The following HS3ST4 variants were observed in gnomAD, a reference collection of about 807,000 sequenced individuals.
HS3ST4 encodes heparan sulfate-glucosamine 3-sulfotransferase 4.
HS3ST4 carries 17 observed loss-of-function variants against 29.2 expected under a neutral mutation model. The ratio of observed to expected loss-of-function variants is 0.58; its 90% CI spans 0.40 to 0.87. The LOEUF (loss-of-function observed/expected upper bound fraction) is 0.87. Among genes scored for constraint, HS3ST4 ranks in the 40% least tolerant of loss-of-function variants. The pLI, the probability that HS3ST4 is intolerant of heterozygous loss-of-function variation, is 0.00. For synonymous variants in HS3ST4, 314 were observed against 285.7 expected (o/e 1.10, Z -1.00); for missense variants, 627 against 634.5 (o/e 0.99, Z 0.13).
intron 1 of HS3ST4, among the ~76,000 whole-genome samples, chr16:26,018,592 GA>G (rs973183104): frequency 2.6e-5 from 4 of 152,162 alleles, no homozygotes; most frequent in Non-Finnish European, 5.9e-5. Flanking sequence ...GAGAGGCTAT[GA>G]GATTTTTCCA....
intron 1 of HS3ST4, among the ~76,000 whole-genome samples, chr16:25,798,541 A>G (rs1966903135): frequency 1.3e-5 from 2 of 152,146 alleles, no homozygotes. Flanking sequence ...TGCAAGTTTC[A>G]TTTTTATTTC....
intron 1 of HS3ST4, among the ~76,000 whole-genome samples, chr16:25,804,799 C>G (rs1966974131): frequency 6.6e-6 from 1 of 152,108 alleles, no homozygotes; most frequent in Non-Finnish European, 1.5e-5. Context: ...AGCCTTATCT[C>G]AGACCTTGTA....
chr16:25,753,775 G>A (rs1042099243), intron 1 of HS3ST4, among the ~76,000 whole-genome samples: 2 of 152,102 alleles, frequency 1.3e-5, no homozygotes, highest in Non-Finnish European at 2.9e-5. Flanking sequence ...GCCAATAAAA[G>A]CACCAAACAA....
intron 1 of HS3ST4, among the ~76,000 whole-genome samples, chr16:25,843,213 A>T (rs1967433614): frequency 6.6e-6 from 1 of 152,094 alleles, no homozygotes; most frequent in Non-Finnish European, 1.5e-5. Flanking sequence ...GGTAGTTCTC[A>T]TGTGTAGTCT....
At chr16:25,794,584 A>G (rs984747871) in intron 1 of HS3ST4, among the ~76,000 whole-genome samples, 125 of 152,126 alleles carry the variant, frequency 8.2e-4, no homozygotes, top group Non-Finnish European at 3.1e-4. Flanking sequence ...GTTTTCTTGA[A>G]AAATCACTTA....
At chr16:26,077,956 T>C (rs1898682321) in intron 1 of HS3ST4, among the ~76,000 whole-genome samples, 1 of 152,152 alleles carries the variant, frequency 6.6e-6, no homozygotes, top group Non-Finnish European at 1.5e-5. Flanking sequence ...ACACCTGTAG[T>C]CCTAGCTCCT....
chr16:26,073,226 AG>A, intron 1 of HS3ST4, among the ~76,000 whole-genome samples: 1 of 152,232 alleles, frequency 6.6e-6, no homozygotes, highest in Non-Finnish European at 1.5e-5. Flanking sequence ...GAAAGAATGC[AG>A]CCCCCTCTTA....
At chr16:25,778,737 G>C (rs147681806) in intron 1 of HS3ST4, among the ~76,000 whole-genome samples, 1 of 151,996 alleles carries the variant, frequency 6.6e-6, no homozygotes, top group Non-Finnish European at 1.5e-5. Context: ...AGGAGAAGGA[G>C]AAGGAGGAGA....
chr16:25,923,107 T>C (rs755131011), intron 1 of HS3ST4, among the ~76,000 whole-genome samples: 9 of 152,230 alleles, frequency 5.9e-5, no homozygotes, highest in Non-Finnish European at 1.3e-4. Context: ...TTATTACTCT[T>C]GCTTCTTCCA....
Position 25,976,272 on chromosome 16 carries a change from G to C in HS3ST4, c.735-159340G>C, listed in dbSNP as rs565201915. 1.8e-3 allele frequency among the ~76,000 whole-genome samples: 272 copies of C among 152,216 alleles called. 1 individual carries two copies. Among genetic ancestry groups the C allele is most frequent in the Non-Finnish European group, 3.3e-3 (225 of 68,008 alleles). On this transcript the variant is annotated intron_variant, in intron 1 of 1. Coordinates refer to ENST00000331351, the MANE Select transcript of HS3ST4 (RefSeq NM_006040.3). ...ATTGGTCATTCATGGATTGTTGGTT[G>C]TTATCTGCTCATATTTCTCCAGGGA...
intron 1 of HS3ST4, among the ~76,000 whole-genome samples, chr16:25,946,368 G>C (rs1260705313): frequency 1.3e-5 from 2 of 152,240 alleles, no homozygotes; most frequent in African/African-American, 2.4e-5. Context: ...TGAGAGATCT[G>C]TCTTGGCAAA....
chr16:25,719,780 C>G (rs1286863993), intron 1 of HS3ST4, among the ~76,000 whole-genome samples: 1 of 152,212 alleles, frequency 6.6e-6, no homozygotes, highest in African/African-American at 2.4e-5. Context: ...TATATTTGCT[C>G]TACATCCTCC....
At chr16:25,761,600 T>C (rs946387058) in intron 1 of HS3ST4, among the ~76,000 whole-genome samples, 1 of 152,128 alleles carries the variant, frequency 6.6e-6, no homozygotes, top group African/African-American at 2.4e-5. Flanking sequence ...AACATGAAGA[T>C]TGAGCTGAGA....
intron 1 of HS3ST4, among the ~76,000 whole-genome samples, chr16:26,050,468 C>T (rs1001349226): frequency 1.3e-5 from 2 of 152,150 alleles, no homozygotes; most frequent in Admixed American, 6.5e-5. Context: ...GTATGAATTA[C>T]ATAATGGCAT....
chr16:25,722,034 G>C (rs1966500430), intron 1 of HS3ST4, among the ~76,000 whole-genome samples: 1 of 152,188 alleles, frequency 6.6e-6, no homozygotes, highest in South Asian at 2.1e-4. Flanking sequence ...TCTGAAAGAA[G>C]ATTTCGATCC....
chr16:25,930,594 G>A (rs752418733), intron 1 of HS3ST4, among the ~76,000 whole-genome samples: 1 of 152,172 alleles, frequency 6.6e-6, no homozygotes, highest in Non-Finnish European at 1.5e-5. Context: ...CTTCAGGCAT[G>A]GCTAGATCCA....
At chr16:25,953,516 A>G (rs1968700778) in intron 1 of HS3ST4, among the ~76,000 whole-genome samples, 1 of 152,184 alleles carries the variant, frequency 6.6e-6, no homozygotes, top group Admixed American at 6.5e-5. Context: ...AAGCAAAGGT[A>G]TCCTGGGAAA....
At chr16:25,878,861 T>A (rs1183862498) in intron 1 of HS3ST4, among the ~76,000 whole-genome samples, 2 of 152,168 alleles carry the variant, frequency 1.3e-5, no homozygotes, top group African/African-American at 2.4e-5. Flanking sequence ...GGCCAAGGGC[T>A]GAGATTTCCC....
chr16:25,910,900 C>T (rs13334917), intron 1 of HS3ST4, among the ~76,000 whole-genome samples: 1 of 152,046 alleles, frequency 6.6e-6, no homozygotes, highest in African/African-American at 2.4e-5. Flanking sequence ...TTCATTCTAT[C>T]CCAGGAGCTT....
Sources: gnomAD v4.1 joint callset for allele counts (sites outside exome capture counted in the v4.1 genomes callset) on GRCh38, gnomAD v4.1.1 for gene constraint, MANE v1.5 for transcripts, NCBI Gene and HGNC (gene_info 2026-07-23, HGNC 2026-07-21) for gene names.